CEMIP2: variants seen among roughly 807,000 people sequenced by gnomAD.
CEMIP2 encodes cell migration inducing hyaluronidase 2, also known as cell surface hyaluronidase CEMIP2.
CEMIP2 carries 79 observed loss-of-function variants against 146.9 expected under a neutral mutation model. The ratio of observed to expected loss-of-function variants is 0.54; its 90% CI spans 0.45 to 0.65. The LOEUF (loss-of-function observed/expected upper bound fraction) is 0.65, where lower values mean the gene tolerates loss of function less well. Among genes scored for constraint, CEMIP2 ranks in the 30% least tolerant of loss-of-function variants. The pLI is 0.00. For missense variants in CEMIP2, 1,596 were observed against 1,696.2 expected (o/e 0.94, Z 1.04); for synonymous variants, 601 against 606.3 (o/e 0.99, Z 0.13).
At chr9:71,715,115 C>T (rs760809666) in intron 14 of CEMIP2, 26 bp from the exon 15 acceptor site, 19 of 1,606,844 alleles carry the variant, frequency 1.2e-5, no homozygotes, top group Admixed American at 1.7e-5. Context: ...CAATCATTAG[C>T]TACATTTCTC....
intron 6 of CEMIP2, among the ~76,000 whole-genome samples, chr9:71,732,987 G>A (rs1823664709): frequency 6.6e-6 from 1 of 151,882 alleles, no homozygotes; most frequent in Non-Finnish European, 1.5e-5. Flanking sequence ...CTAATAATCT[G>A]GAATCTAATG....
chr9:71,726,567 T>G (rs987115176), intron 10 of CEMIP2, among the ~76,000 whole-genome samples: 2 of 152,174 alleles, frequency 1.3e-5, no homozygotes, highest in Non-Finnish European at 2.9e-5. Flanking sequence ...TAATTCATAG[T>G]CTAATAAGAA....
In CEMIP2 at chr9:71,746,293, T is replaced by C; in HGVS notation, c.380A>G (p.Gln127Arg). The change falls in exon 3 of 24, where the codon CAA becomes CGA. Residue 127 changes from glutamine to arginine, a missense_variant. By Grantham distance (43) the Gln-to-Arg change is conservative. Coordinates refer to ENST00000377044, the MANE Select transcript of CEMIP2 (RefSeq NM_013390.3). ...NPRLRNWDPG[Q>R]DSAKQVVIKE... The stretch of plus-strand genomic sequence containing the variant: ...GATAACAACTTGCTTTGCAGAATCT[T>C]GTCCTGGATCCCAATTCCTGAGACG... The C allele has an allele frequency of 6.2e-7, 1 of 1,613,968 alleles. No homozygotes were observed. Among genetic ancestry groups the C allele is most frequent in the East Asian group, 2.2e-5 (1 of 44,872 alleles).
In CEMIP2 at chr9:71,764,887, C is replaced by T. The variant is rs571066629; in HGVS notation, c.-13+3470G>A. 5.3e-5 allele frequency among the ~76,000 whole-genome samples: 8 copies of T among 150,756 alleles called. No homozygotes were observed. In the South Asian group the frequency reaches 1.7e-3, roughly 32 times the overall value. ...AAAACTAGTAATGGGGATTTTCATA[C>T]TCTCAAAAAGGCAGATGCATAGCTT... On this transcript the variant is annotated intron_variant, in intron 1 of 23. Coordinates refer to ENST00000377044, the MANE Select transcript of CEMIP2 (RefSeq NM_013390.3).
intron 10 of CEMIP2, among the ~76,000 whole-genome samples, chr9:71,728,249 ATGTATATACACG>A (rs1373255456): frequency 0.03 from 1,197 of 40,120 alleles, 278 homozygotes; most frequent in South Asian, 0.16. Context: ...ATATATATAT[ATGTATATACACG>A]TATATATATA....
intron 10 of CEMIP2, among the ~76,000 whole-genome samples, chr9:71,728,166 G>A (rs1823444772): frequency 7.0e-6 from 1 of 142,176 alleles, no homozygotes; most frequent in Non-Finnish European, 1.5e-5. Context: ...AGGAGTTCGA[G>A]ATCTGTCTGG....
rs139753211 is a variant in CEMIP2 at position 71,694,764 on chromosome 9, T to C, written c.3598-157A>G. Among the ~76,000 whole-genome samples, 51 of 152,384 alleles carry C rather than the reference T, an allele frequency of 3.3e-4. No homozygotes were observed. The East Asian group carries it at 9.6e-3, about 29-fold the overall frequency. On this transcript the variant is annotated intron_variant, in intron 20 of 23. Transcript: ENST00000377044. ...GACCTAGAATTCCATCTTGATATTC[T>C]TAACACAGTAAGTATATATTTGTTC...
intron 1 of CEMIP2, among the ~76,000 whole-genome samples, chr9:71,766,799 A>T (rs7859513): frequency 0.24 from 36,023 of 152,110 alleles, 4,463 homozygotes; most frequent in Non-Finnish European, 0.26. Context: ...TTCGCTTCTA[A>T]TCTTAGTTTT....
At chr9:71,739,378 A>G in intron 5 of CEMIP2, among the ~76,000 whole-genome samples, 1 of 128,704 alleles carries the variant, frequency 7.8e-6, no homozygotes, top group Admixed American at 7.8e-5. Flanking sequence ...AAAAAAAAAA[A>G]AAAAAAAAAA....
chr9:71,694,564 T>G lies in CEMIP2; in HGVS notation c.3641A>C (p.Gln1214Pro). 6.2e-7 allele frequency: 1 copy of G among 1,614,026 alleles called. No individual in the cohort carries two copies. Among genetic ancestry groups the G allele is most frequent in the Non-Finnish European group, 8.5e-7 (1 of 1,179,928 alleles). ...SDPHKSYLPVQFQSPDKAETQ... is the reference protein window; with the variant it reads ...SDPHKSYLPVPFQSPDKAETQ... ...TTCTGCTTTATCAGGTGACTGGAAT[T>G]GCACAGGGAGGTAACTTTTATGAGG... Residue 1214 changes from glutamine to proline, a missense_variant, in exon 21 of 24, where the codon CAA becomes CCA. Gln to Pro is a moderately conservative substitution (Grantham distance 76). Transcript: ENST00000377044.
chr9:71,715,038 A>G lies in CEMIP2; in HGVS notation c.2487T>C (p.Ser829=). The G allele has an allele frequency of 1.9e-6, 3 of 1,613,952 alleles. No homozygotes were observed. In the East Asian group the frequency reaches 6.7e-5, roughly 36 times the overall value. ...DEGSSQEVSE[S]LFVGESRNYG... ...AATTCCTGCTCTCCCCAACAAAGAG[A>G]GATTCAGATACCTCTTGGCTGGAAC... Residue 829 remains serine (S), a synonymous_variant, in exon 15 of 24, where the codon TCT becomes TCC. Coordinates refer to ENST00000377044, the MANE Select transcript of CEMIP2 (RefSeq NM_013390.3).
chr9:71,718,206 C>A, intron 12 of CEMIP2, 127 bp from the exon 13 acceptor site: 2 of 875,822 alleles, frequency 2.3e-6, no homozygotes, highest in Non-Finnish European at 3.2e-6. Context: ...TCTTAAGATA[C>A]AACTTACTTA....
At chr9:71,694,694 C>T (rs1333096966) in intron 20 of CEMIP2, 87 bp from the exon 21 acceptor site, 1 of 820,024 alleles carries the variant, frequency 1.2e-6, no homozygotes, top group Non-Finnish European at 2.0e-6. Flanking sequence ...ATAATTAAAG[C>T]CAGTGGTTGT....
chr9:71,728,298 TATAC>T (rs1442004534), intron 10 of CEMIP2, among the ~76,000 whole-genome samples: 510 of 42,354 alleles, frequency 0.012, 141 homozygotes, highest in African/African-American at 0.018. Context: ...TATATATATA[TATAC>T]ATATATATAT....
chr9:71,722,447 G>A lies in CEMIP2; in HGVS notation c.2247C>T (p.Leu749=), dbSNP rs1301815539. The A allele has an allele frequency of 6.2e-7, 1 of 1,613,686 alleles. No homozygotes were observed. Residue 749 remains leucine, a synonymous_variant, in exon 12 of 24, where the codon CTC becomes CTT. Transcript: ENST00000377044. The part of the protein sequence containing the change: ...NSSAADPREY[L]CLDNSARFRP... ...TTTACCTTGCACTATTGTCCAAACA[G>A]AGGTATTCCCTTGGGTCAGCAGCAC...
At chr9:71,758,497 T>C (rs945424530) in intron 1 of CEMIP2, among the ~76,000 whole-genome samples, 1 of 152,118 alleles carries the variant, frequency 6.6e-6, no homozygotes. Flanking sequence ...CAGGTTACAG[T>C]AGTAAATCAG....
chr9:71,739,093 T>A (rs1823842151), intron 5 of CEMIP2, among the ~76,000 whole-genome samples: 1 of 152,118 alleles, frequency 6.6e-6, no homozygotes, highest in Non-Finnish European at 1.5e-5. Context: ...AGAAAGTAAG[T>A]CACTGAGAAC....
At chr9:71,755,287 G>T (rs1457612152) in intron 1 of CEMIP2, among the ~76,000 whole-genome samples, 1 of 149,544 alleles carries the variant, frequency 6.7e-6, no homozygotes, top group East Asian at 2.0e-4. Context: ...AATATGGGAG[G>T]ATTGCTTGAG....
intron 15 of CEMIP2, among the ~76,000 whole-genome samples, chr9:71,714,143 C>T (rs1822983045): frequency 6.6e-6 from 1 of 152,106 alleles, no homozygotes. Context: ...CTTGTTCTAG[C>T]CCAACATTCT....
Sources: allele counts gnomAD v4.1 joint callset (sites outside exome capture counted in the v4.1 genomes callset), GRCh38; gene constraint gnomAD v4.1.1; transcripts MANE v1.5; gene names NCBI Gene and HGNC (gene_info 2026-07-23, HGNC 2026-07-21).